TPM4: variants seen among roughly 807,000 people sequenced by gnomAD.
TPM4 encodes tropomyosin 4.
Under a neutral mutation model 35.8 loss-of-function variants are expected in TPM4, and 17 were observed. That is an observed-to-expected ratio of 0.47 (90% confidence interval 0.32 to 0.71). The LOEUF (loss-of-function observed/expected upper bound fraction) is 0.71, where lower values mean the gene tolerates loss of function less well. TPM4 is among the 30% of genes least tolerant of loss of function. The pLI is 0.03. For missense variants in TPM4, 240 were observed against 320.9 expected (o/e 0.75, Z 1.93); for synonymous variants, 120 against 122.9 (o/e 0.98, Z 0.15).
In TPM4 at chr19:16,080,204, A is replaced by G. The variant is rs138810521; in HGVS notation, c.133-1709A>G. 5.3e-4 allele frequency: 106 copies of G among 201,226 alleles called. 1 individual carries two copies. Among genetic ancestry groups the G allele is most frequent in the African/African-American group, 2.2e-3 (98 of 43,664 alleles). 12.5% of individuals were successfully genotyped at this position (201,226 alleles called of 1,614,324 possible). On this transcript the variant is annotated intron_variant, in intron 1 of 7. Coordinates refer to ENST00000643579, the MANE Select transcript of TPM4 (RefSeq NM_003290.3). ...ACCTAGGGGACAGGTTCTGACAAGG[A>G]AGAGCCCTGGGTGGGTCTTAAGAGG...
chr19:16,098,810 A>AT (rs1394999765), intron 7 of TPM4, among the ~76,000 whole-genome samples: 3 of 151,922 alleles, frequency 2.0e-5, no homozygotes, highest in African/African-American at 7.2e-5. Flanking sequence ...TTTTTAAAAA[A>AT]TTTTTTAATA....
Position 16,101,684 on chromosome 19 carries a change from T to G in TPM4, c.*338T>G, listed in dbSNP as rs1332193754. On this transcript the variant is annotated 3_prime_UTR_variant, in exon 8 of 8. Coordinates refer to ENST00000643579, the MANE Select transcript of TPM4 (RefSeq NM_003290.3). Reference sequence around the variant, plus strand: ...CTGGGAGAATAGGCAGCCCCACACTTTGAAGAATACAGACCCCAGTATCTA... The same window carrying G: ...CTGGGAGAATAGGCAGCCCCACACTGTGAAGAATACAGACCCCAGTATCTA... The G allele has an allele frequency of 6.9e-6, 2 of 290,112 alleles. No homozygotes were observed. The highest frequency in any genetic ancestry group is 4.3e-5 in the African/African-American group (2 of 46,150). The allele number at this position is 290,112 out of a possible 1,614,324, so 18.0% of individuals were successfully genotyped here.
At chr19:16,097,511 T>C (rs999505059) in intron 7 of TPM4, among the ~76,000 whole-genome samples, 2 of 152,072 alleles carry the variant, frequency 1.3e-5, no homozygotes, top group East Asian at 1.9e-4. Flanking sequence ...TGACCTCAGG[T>C]GATCCACCCG....
chr19:16,079,714 T>C (rs966775913), intron 1 of TPM4: 6 of 188,628 alleles, frequency 3.2e-5, no homozygotes, highest in Admixed American at 6.2e-5. Context: ...AATTTTTTTT[T>C]TTTGAGACGG....
intron 5 of TPM4, 136 bp downstream of exon 5, chr19:16,089,256 T>C (rs1599377706): frequency 2.7e-6 from 3 of 1,131,166 alleles, no homozygotes; most frequent in Non-Finnish European, 3.8e-6. Context: ...GCAGCCAGGG[T>C]TTTTCCCCTA....
At chr19:16,072,629 C>T (rs879666620), upstream of TPM4, among the ~76,000 whole-genome samples, 9 of 152,334 alleles carry the variant, frequency 5.9e-5, no homozygotes, top group South Asian at 2.1e-4. Flanking sequence ...ATTTGTAACA[C>T]GCCCTGGCCA....
At chr19:16,081,598 G>A (rs1048091797) in intron 1 of TPM4, 1 of 179,978 alleles carries the variant, frequency 5.6e-6, no homozygotes, top group South Asian at 1.8e-4. Flanking sequence ...GTTTCACCAC[G>A]TTGGCCAGGA....
upstream of TPM4, chr19:16,076,240 G>T: frequency 6.5e-7 from 1 of 1,546,508 alleles, no homozygotes; most frequent in Non-Finnish European, 8.7e-7. Context: ...GGAAGGCGGG[G>T]AGAGCCGCAG....
At position 16,070,159 on chromosome 19, in the gene TPM4, C is replaced by T. The variant is rs1028886586; in HGVS notation, c.114+2421C>T. ...TGGAGGCCGGGGCAGGTGGGCTGCCCGTGGTGGACGGAGGAGAGGGAGGCC... is the reference window on the plus strand; with the variant it reads ...TGGAGGCCGGGGCAGGTGGGCTGCCTGTGGTGGACGGAGGAGAGGGAGGCC... On this transcript the variant is annotated intron_variant, in intron 2 of 2. Coordinates refer to the TPM4 transcript ENST00000589897. The surrounding 1 kb of genome is among the most constrained non-coding windows in gnomAD (Gnocchi z 7.4). Among the ~76,000 whole-genome samples the T allele has an allele frequency of 5.9e-5, 9 of 152,178 alleles. No homozygotes were observed. The highest frequency in any genetic ancestry group is 3.9e-4 in the East Asian group (2 of 5,184).
chr19:16,085,139 G>A (rs943528811), intron 2 of TPM4, among the ~76,000 whole-genome samples: 1 of 152,098 alleles, frequency 6.6e-6, no homozygotes, highest in Non-Finnish European at 1.5e-5. Context: ...GGTAGTCCCA[G>A]CCACTCAAGG....
chr19:16,097,133 C>G (rs974741070), intron 7 of TPM4, among the ~76,000 whole-genome samples: 1 of 150,882 alleles, frequency 6.6e-6, no homozygotes, highest in Non-Finnish European at 1.5e-5. Context: ...TTTGTACTTT[C>G]AGTAGAGATG....
At chr19:16,096,934 C>CTCTTTTTT (rs1568312272) in intron 7 of TPM4, among the ~76,000 whole-genome samples, 114 of 59,840 alleles carry the variant, frequency 1.9e-3, no homozygotes, top group African/African-American at 6.2e-3. Flanking sequence ...AACAAGGTCA[C>CTCTTTTTT]TCTTTTTTTT....
Position 16,093,580 on chromosome 19 carries a change from G to A in TPM4, c.576G>A (p.Leu192=), listed in dbSNP as rs1599381620. 1.2e-6 allele frequency: 2 copies of A among 1,614,208 alleles called. No homozygotes were observed. The highest frequency in any genetic ancestry group is 2.2e-5 in the East Asian group (1 of 44,894). ...AATATGAAGAAGAAATTAAACTTCT[G>A]TCTGACAAACTGAAAGAGGTGAGTG... ...EDKYEEEIKL[L]SDKLKEAETR... is the part of the protein sequence containing the mutation. The change falls in exon 6 of 8, where the codon CTG becomes CTA. Residue 192 remains leucine (L), a synonymous_variant. Transcript: ENST00000643579.
intron 3 of TPM4, among the ~76,000 whole-genome samples, chr19:16,086,778 T>C (rs1385665592): frequency 1.3e-5 from 2 of 152,112 alleles, no homozygotes; most frequent in Admixed American, 6.5e-5. Context: ...AGCTCACTTG[T>C]GTCGTTAGCT....
chr19:16,081,240 CTG>C (rs540556902), intron 1 of TPM4: 2 of 395,146 alleles, frequency 5.1e-6, no homozygotes, highest in South Asian at 1.4e-4. Context: ...CGTGGTAACA[CTG>C]TGTGCCTTTT....
chr19:16,085,536 A>C (rs532686226), intron 2 of TPM4, among the ~76,000 whole-genome samples: 1 of 152,268 alleles, frequency 6.6e-6, no homozygotes, highest in Non-Finnish European at 1.5e-5. Flanking sequence ...ACTGCACTCC[A>C]ACCTGGGCAA....
upstream of TPM4, among the ~76,000 whole-genome samples, chr19:16,073,938 T>TG (rs1456037910): frequency 2.8e-5 from 1 of 35,668 alleles, no homozygotes; most frequent in South Asian, 1.8e-3. Context: ...GAAGACCATG[T>TG]AAAAAAAAAA....
At chr19:16,082,798 C>G (rs1200003158) in intron 2 of TPM4, among the ~76,000 whole-genome samples, 1 of 152,002 alleles carries the variant, frequency 6.6e-6, no homozygotes, top group Non-Finnish European at 1.5e-5. Flanking sequence ...TCAAGACCAA[C>G]TGGGGCAATG....
At chr19:16,093,868 A>AAAGT in intron 7 of TPM4, 115 bp downstream of exon 7, 1 of 1,092,460 alleles carries the variant, frequency 9.2e-7, no homozygotes. Context: ...TTGCCTTAGG[A>AAAGT]AAGTAAAGCG....
Sources: gnomAD v4.1 joint callset for allele counts (sites outside exome capture counted in the v4.1 genomes callset) on GRCh38, gnomAD v4.1.1 for gene constraint, Gnocchi (gnomAD v3.1) non-coding constraint, MANE v1.5 for transcripts, NCBI Gene and HGNC (gene_info 2026-07-23, HGNC 2026-07-21) for gene names.